The following FGD4 variants were observed in gnomAD, a reference collection of about 807,000 sequenced individuals.
FGD4 encodes the protein FYVE, RhoGEF and PH domain-containing protein 4.
A neutral mutation model predicts 102.0 loss-of-function variants in FGD4; 42 were observed. The observed-to-expected ratio is 0.41, with a 90% confidence interval of 0.32 to 0.53. FGD4 has a LOEUF of 0.53. FGD4 is among the 20% of genes least tolerant of loss of function. The pLI is 0.21. For synonymous variants in FGD4, 380 were observed against 375.7 expected (o/e 1.01, Z -0.13); for missense variants, 902 against 1,078.2 (o/e 0.84, Z 2.29).
intron 4 of FGD4, among the ~76,000 whole-genome samples, chr12:32,590,454 TG>T: frequency 6.6e-6 from 1 of 152,316 alleles, no homozygotes; most frequent in Non-Finnish European, 1.5e-5. Flanking sequence ...ATGACCCTTT[TG>T]ATGGCATTTA....
At position 32,628,779 on chromosome 12, in the gene FGD4, G is replaced by A. The variant is rs190670373; in HGVS notation, c.2172+3000G>A. Among the ~76,000 whole-genome samples the A allele has an allele frequency of 2.8e-4, 42 of 152,016 alleles. No individual in the cohort carries two copies. In the South Asian group the frequency reaches 5.8e-3, roughly 21 times the overall value. On this transcript the variant is annotated intron_variant, in intron 14 of 16. Transcript: ENST00000534526. ...CCAGCCTGGGCGACAGAGCAAGACC[G>A]TCTAAAAAAAAAATTATGTAAAGAG...
intron 1 of FGD4, among the ~76,000 whole-genome samples, chr12:32,549,047 T>C (rs952234410): frequency 1.3e-5 from 2 of 152,190 alleles, no homozygotes; most frequent in African/African-American, 4.8e-5. Context: ...ACTAGCTCTA[T>C]GGGATGTTGA....
In FGD4 at chr12:32,621,300, CAAT is replaced by C. The variant is rs923509539; in HGVS notation, c.1922+1442_1922+1444del. On this transcript the variant is annotated intron_variant, in intron 11 of 16. Coordinates refer to ENST00000534526, the MANE Select transcript of FGD4 (RefSeq NM_001370298.3). ...GAGACTCTGTCTCAAAAAATAATAA[CAAT>C]AATAATAATAAGTCATCCATTTATT... Among the ~76,000 whole-genome samples, 48 of 152,010 alleles carry C rather than the reference CAAT, an allele frequency of 3.2e-4. 1 individual carries two copies. The highest frequency in any genetic ancestry group is 3.1e-3 in the Admixed American group (48 of 15,264).
In FGD4 at chr12:32,433,355, T is replaced by C. The variant is rs1185298345; in HGVS notation, c.166+33396T>C. On this transcript the variant is annotated intron_variant, in intron 1 of 16. Coordinates refer to ENST00000534526, the MANE Select transcript of FGD4 (RefSeq NM_001370298.3). ...TCACTTTAAAAATACATTTTTCTTT[T>C]TTTTTCTTTTTGAGTCGGAGTCTTG... Among the ~76,000 whole-genome samples the C allele has an allele frequency of 7.2e-5, 11 of 152,148 alleles. No individual in the cohort carries two copies. The East Asian group carries it at 1.9e-3, about 27-fold the overall frequency.
At chr12:32,558,120 T>C (rs926501760) in intron 1 of FGD4, among the ~76,000 whole-genome samples, 2 of 152,172 alleles carry the variant, frequency 1.3e-5, no homozygotes, top group African/African-American at 4.8e-5. Flanking sequence ...AGAAACCCAA[T>C]TTGAGGGACA....
chr12:32,524,558 C>A (rs1433779190), intron 1 of FGD4, among the ~76,000 whole-genome samples: 1 of 150,654 alleles, frequency 6.6e-6, no homozygotes, highest in Non-Finnish European at 1.5e-5. Flanking sequence ...ATGTGGCAGG[C>A]TCACGCCTGC....
At position 32,564,153 on chromosome 12, in the gene FGD4, A is replaced by T; in HGVS notation, c.183A>T (p.Pro61=). 6.5e-7 allele frequency: 1 copy of T among 1,536,034 alleles called. No homozygotes were observed. The highest frequency in any genetic ancestry group is 8.7e-7 in the Non-Finnish European group (1 of 1,146,834). The change falls in exon 2 of 17, where the codon CCA becomes CCT. Residue 61 remains proline (P), a synonymous_variant. Coordinates refer to ENST00000534526, the MANE Select transcript of FGD4 (RefSeq NM_001370298.3). ...CTCTTGCAGGCAGCAGTACCTGTCC[A>T]AAGATCGCTTTAGTTCCACCTTGCT... ...PSGATGSSTC[P]KIALVPPCST...
intron 1 of FGD4, among the ~76,000 whole-genome samples, chr12:32,562,695 A>G (rs1030609018): frequency 1.3e-5 from 2 of 152,236 alleles, no homozygotes; most frequent in Admixed American, 6.5e-5. Context: ...CTGAGTGGAC[A>G]CAGCACATGT....
chr12:32,600,339 C>A, intron 5 of FGD4: 1 of 611,138 alleles, frequency 1.6e-6, no homozygotes, highest in Non-Finnish European at 2.5e-6. Context: ...ATTCTAGAGT[C>A]CTAATTACTA....
chr12:32,583,980 T>C (rs993796401), intron 4 of FGD4, among the ~76,000 whole-genome samples: 1 of 152,242 alleles, frequency 6.6e-6, no homozygotes, highest in African/African-American at 2.4e-5. Context: ...ATATTCTAAT[T>C]GGTGATGATG....
chr12:32,415,928 C>T (rs1369134403), intron 1 of FGD4, among the ~76,000 whole-genome samples: 1 of 151,918 alleles, frequency 6.6e-6, no homozygotes, highest in African/African-American at 2.4e-5. Context: ...CATTTATTTT[C>T]AGTCTATTTG....
chr12:32,423,945 TA>T (rs1298139916), intron 1 of FGD4, among the ~76,000 whole-genome samples: 5 of 152,040 alleles, frequency 3.3e-5, no homozygotes, highest in Non-Finnish European at 7.4e-5. Flanking sequence ...TTGACTTTTC[TA>T]AATTCCACAC....
At chr12:32,607,609 A>G (rs796918960) in intron 7 of FGD4, among the ~76,000 whole-genome samples, 2 of 152,304 alleles carry the variant, frequency 1.3e-5, no homozygotes, top group African/African-American at 4.8e-5. Context: ...TCCCAGGTTC[A>G]AGCAATTCTC....
At chr12:32,472,585 G>A (rs1943444890) in intron 1 of FGD4, among the ~76,000 whole-genome samples, 1 of 152,240 alleles carries the variant, frequency 6.6e-6, no homozygotes, top group African/African-American at 2.4e-5. Context: ...CCACTCCATG[G>A]GCTCCTGTGT....
At chr12:32,555,833 G>C (rs2136220602) in intron 1 of FGD4, among the ~76,000 whole-genome samples, 1 of 152,080 alleles carries the variant, frequency 6.6e-6, no homozygotes, top group East Asian at 1.9e-4. Context: ...GCCTCCCAAA[G>C]TGCTAGGATT....
chr12:32,630,854 C>T (rs911916622), intron 14 of FGD4, among the ~76,000 whole-genome samples: 4 of 150,760 alleles, frequency 2.7e-5, no homozygotes, highest in Admixed American at 1.3e-4. Context: ...GGCACACACC[C>T]GTAGTCCCAG....
intron 1 of FGD4, among the ~76,000 whole-genome samples, chr12:32,552,460 G>A (rs935758236): frequency 1.5e-3 from 76 of 49,808 alleles, no homozygotes; most frequent in Non-Finnish European, 3.0e-3. Flanking sequence ...TTTTTTTTTT[G>A]TAGTAGAGAC....
At chr12:32,440,188 G>A (rs896942214) in intron 1 of FGD4, among the ~76,000 whole-genome samples, 2 of 152,336 alleles carry the variant, frequency 1.3e-5, no homozygotes, top group Admixed American at 6.5e-5. Context: ...ATGTTTCCCT[G>A]GATGCCGCTG....
chr12:32,575,989 G>A (rs1946095709), intron 2 of FGD4, among the ~76,000 whole-genome samples: 1 of 152,120 alleles, frequency 6.6e-6, no homozygotes, highest in Non-Finnish European at 1.5e-5. Context: ...GAATGCTTTA[G>A]CCTTATGTGG....
Sources: gnomAD v4.1 joint callset for allele counts (sites outside exome capture counted in the v4.1 genomes callset) on GRCh38, gnomAD v4.1.1 for gene constraint, MANE v1.5 for transcripts, NCBI Gene and HGNC (gene_info 2026-07-23, HGNC 2026-07-21) for gene names.